ZDHHC18: variants seen among roughly 807,000 people sequenced by gnomAD.
ZDHHC18 encodes palmitoyltransferase ZDHHC18.
A neutral mutation model predicts 37.5 loss-of-function variants in ZDHHC18; 23 were observed. The ratio of observed to expected loss-of-function variants is 0.61; its 90% confidence interval spans 0.44 to 0.87. ZDHHC18 has a LOEUF of 0.87. Ranked by LOEUF, ZDHHC18 falls within the 40% of genes least tolerant of loss-of-function variation. The pLI is 0.00. For synonymous variants in ZDHHC18, 185 were observed against 218.7 expected (o/e 0.85, Z 1.36); for missense variants, 406 against 525.6 (o/e 0.77, Z 2.22).
In ZDHHC18 at chr1:26,850,564, A is replaced by C. The variant is rs2081697605; in HGVS notation, c.791A>C (p.Gln264Pro). The change falls in exon 5 of 8, where the codon CAG (glutamine) becomes CCG (proline). Residue 264 changes from glutamine to proline, a missense_variant. Gln to Pro is a moderately conservative substitution (Grantham distance 76). Coordinates refer to ENST00000374142, the MANE Select transcript of ZDHHC18 (RefSeq NM_032283.3). The surrounding 1 kb of genome is among the most constrained non-coding windows in gnomAD (Gnocchi z 6.1). ...CVVTHLTLRAQGSNFLSTLKE... is the reference protein window; with the variant it reads ...CVVTHLTLRAPGSNFLSTLKE... ...CCTGTTTCTTTCTCCCCAGGCGCTC[A>C]GGGAAGCAACTTCCTCTCCACTCTG... The C allele has an allele frequency of 6.2e-7, 1 of 1,614,058 alleles. No individual in the cohort carries two copies. The highest frequency in any genetic ancestry group is 1.7e-5 in the Admixed American group (1 of 60,002).
At position 26,850,461 on chromosome 1, in the gene ZDHHC18, G is replaced by T. The variant is rs1243173769; in HGVS notation, c.784+23G>T. ...TGCGTGAGTTGTGGGTGAGGGCAGT[G>T]GGGAGTGGAAGGGGTCAGCCAGCAA... On this transcript the variant is annotated intron_variant, in intron 4 of 7. Transcript: ENST00000374142. This position sits in a 1 kb window ranked among gnomAD's most constrained non-coding sequence, Gnocchi z 6.1. 4 of 1,614,230 alleles carry T rather than the reference G, an allele frequency of 2.5e-6. No homozygotes were observed. The highest frequency in any genetic ancestry group is 3.4e-6 in the Non-Finnish European group (4 of 1,180,030).
At chr1:26,837,371 AT>A (rs879506298) in intron 2 of ZDHHC18, among the ~76,000 whole-genome samples, 33 of 147,768 alleles carry the variant, frequency 2.2e-4, no homozygotes, top group Non-Finnish European at 3.0e-4. Context: ...TATAATATAC[AT>A]TTTACATCTA....
intron 2 of ZDHHC18, among the ~76,000 whole-genome samples, chr1:26,842,752 G>A (rs188597660): frequency 6.6e-6 from 1 of 152,354 alleles, no homozygotes; most frequent in Admixed American, 6.5e-5. Flanking sequence ...TAAACCTTTG[G>A]TAGTTGAAAA....
rs1469640639 is a variant in ZDHHC18 at position 26,850,859 on chromosome 1, C to T, written c.833+253C>T. 1.3e-5 allele frequency among the ~76,000 whole-genome samples: 2 copies of T among 152,180 alleles called. No homozygotes were observed. The highest frequency in any genetic ancestry group is 4.1e-4 in the South Asian group (2 of 4,824). On this transcript the variant is annotated intron_variant, in intron 5 of 7. Transcript: ENST00000374142. The surrounding 1 kb of genome is among the most constrained non-coding windows in gnomAD (Gnocchi z 6.1). The stretch of plus-strand genomic sequence containing the variant: ...CCTTAAGATGCCAAGCTCCCTGGAC[C>T]GTGTCGTGCCCAAGGCTCTTTGTGA...
chr1:26,852,013 C>T (rs2081707038), intron 6 of ZDHHC18, among the ~76,000 whole-genome samples: 1 of 152,236 alleles, frequency 6.6e-6, no homozygotes, highest in Non-Finnish European at 1.5e-5. Flanking sequence ...CATCCTCCAA[C>T]AGAAAATACA....
chr1:26,830,105 G>A (rs1163504605), intron 1 of ZDHHC18, among the ~76,000 whole-genome samples: 1 of 152,228 alleles, frequency 6.6e-6, no homozygotes, highest in Non-Finnish European at 1.5e-5. Flanking sequence ...TTCTCTGAAG[G>A]CCAGAGCATC....
Position 26,827,088 on chromosome 1 carries a change from C to A in ZDHHC18, c.284C>A (p.Ala95Glu). The change falls in exon 1 of 8, where the codon GCG becomes GAG. Residue 95 changes from alanine (A) to glutamate (E), a missense_variant. Coordinates refer to ENST00000374142, the MANE Select transcript of ZDHHC18 (RefSeq NM_032283.3). ...CTGGCCGGCCACGGCGGCGTCTTCG[C>A]GCTCACGCTGCTGCTCATCCTCACC... ...LMLAGHGGVF[A>E]LTLLLILTTT... is the part of the protein sequence containing the mutation. 1 of 1,398,960 alleles carries A rather than the reference C, an allele frequency of 7.1e-7. No individual in the cohort carries two copies. The highest frequency in any genetic ancestry group is 9.3e-7 in the Non-Finnish European group (1 of 1,078,314). The allele number at this position is 1,398,960 out of a possible 1,614,324, so 86.7% of individuals were successfully genotyped here.
At position 26,850,349 on chromosome 1, in the gene ZDHHC18, G is replaced by A. The variant is rs920187706; in HGVS notation, c.695G>A (p.Arg232Gln). 23 of 1,614,088 alleles carry A rather than the reference G, an allele frequency of 1.4e-5. No individual in the cohort carries two copies. Among genetic ancestry groups the A allele is most frequent in the Non-Finnish European group, 1.9e-5 (22 of 1,180,054 alleles). Residue 232 changes from arginine to glutamine, a missense_variant, in exon 4 of 8, where the codon CGG becomes CAG. Coordinates refer to ENST00000374142, the MANE Select transcript of ZDHHC18 (RefSeq NM_032283.3). This position sits in a 1 kb window ranked among gnomAD's most constrained non-coding sequence, Gnocchi z 6.1. ...TGGGTGGGCAACTGTGTGGGGAGAC[G>A]GAACTATCGCTTCTTCTACGCGTTT... ...CPWVGNCVGRRNYRFFYAFIL... is the reference protein window; with the variant it reads ...CPWVGNCVGRQNYRFFYAFIL...
chr1:26,852,690 C>T (rs1050783175), intron 6 of ZDHHC18, 63 bp from the exon 7 acceptor site: 10 of 1,451,464 alleles, frequency 6.9e-6, no homozygotes, highest in Non-Finnish European at 9.6e-6. Context: ...AGCCTCTAGA[C>T]CTGCCTCCTA....
At chr1:26,838,504 G>A (rs1480269017) in intron 2 of ZDHHC18, among the ~76,000 whole-genome samples, 1 of 152,094 alleles carries the variant, frequency 6.6e-6, no homozygotes, top group Non-Finnish European at 1.5e-5. Flanking sequence ...GTGTTCTTGA[G>A]GCATTGAGTA....
At chr1:26,852,637 C>T (rs1458448763) in intron 6 of ZDHHC18, 116 bp from the exon 7 acceptor site, 9 of 816,178 alleles carry the variant, frequency 1.1e-5, no homozygotes, top group African/African-American at 1.7e-5. Flanking sequence ...GACATGTCGC[C>T]TTCTGTAACC....
At chr1:26,839,862 G>A (rs950499102) in intron 2 of ZDHHC18, among the ~76,000 whole-genome samples, 9 of 152,214 alleles carry the variant, frequency 5.9e-5, no homozygotes, top group Admixed American at 5.2e-4. Flanking sequence ...GGTCAGCACT[G>A]TCCGGTCTGA....
chr1:26,837,380 CTA>C (rs1286154707), intron 2 of ZDHHC18, among the ~76,000 whole-genome samples: 3 of 145,978 alleles, frequency 2.1e-5, no homozygotes, highest in Non-Finnish European at 3.0e-5. Flanking sequence ...CATTTTACAT[CTA>C]TATTTAATAT....
At chr1:26,847,062 A>T (rs2081672485) in intron 2 of ZDHHC18, among the ~76,000 whole-genome samples, 1 of 151,126 alleles carries the variant, frequency 6.6e-6, no homozygotes, top group Admixed American at 6.6e-5. Context: ...CAACCGGTTA[A>T]TTTTTTGTAT....
chr1:26,851,070 C>T, intron 5 of ZDHHC18, 59 bp from the exon 6 acceptor site: 1 of 1,485,590 alleles, frequency 6.7e-7, no homozygotes, highest in Middle Eastern at 1.7e-4. Context: ...GTGAGACAGG[C>T]CAGGTGTGGC....
rs376560343 is a variant in ZDHHC18 at position 26,852,382 on chromosome 1, G to A, written c.937-371G>A. 3.0e-4 allele frequency among the ~76,000 whole-genome samples: 45 copies of A among 152,334 alleles called. No homozygotes were observed. In the East Asian group the frequency reaches 7.3e-3, roughly 25 times the overall value. Reference sequence around the variant, plus strand: ...TTCCAAATGAGGACTCAGGCTCAGCGAAGTGGTGATCTGTCCAGGTAACGT... The same window carrying A: ...TTCCAAATGAGGACTCAGGCTCAGCAAAGTGGTGATCTGTCCAGGTAACGT... On this transcript the variant is annotated intron_variant, in intron 6 of 7. Coordinates refer to ENST00000374142, the MANE Select transcript of ZDHHC18 (RefSeq NM_032283.3).
intron 2 of ZDHHC18, among the ~76,000 whole-genome samples, chr1:26,840,995 G>A (rs1367587705): frequency 6.7e-6 from 1 of 150,146 alleles, no homozygotes; most frequent in African/African-American, 2.5e-5. Flanking sequence ...GGGGAGGGGG[G>A]GACAGAGTTT....
intron 2 of ZDHHC18, among the ~76,000 whole-genome samples, chr1:26,833,390 G>A (rs1203723308): frequency 2.0e-5 from 3 of 152,104 alleles, no homozygotes; most frequent in Non-Finnish European, 2.9e-5. Context: ...CTAGGGAAGA[G>A]CCCAGTAGGT....
intron 3 of ZDHHC18, among the ~76,000 whole-genome samples, chr1:26,849,651 C>T (rs368892714): frequency 6.6e-6 from 1 of 152,244 alleles, no homozygotes. Context: ...TGCCTCCACC[C>T]CCGGGGACAG....
Sources: allele counts gnomAD v4.1 joint callset (sites outside exome capture counted in the v4.1 genomes callset), GRCh38; gene constraint gnomAD v4.1.1; non-coding constraint Gnocchi (gnomAD v3.1); transcripts MANE v1.5; gene names NCBI Gene and HGNC (gene_info 2026-07-23, HGNC 2026-07-21).